Variants in SYN2 observed in about 807,000 individuals in gnomAD.
SYN2 encodes synapsin II, also known as synapsin-2.
A neutral mutation model predicts 50.9 loss-of-function variants in SYN2; 19 were observed. That is an observed-to-expected ratio of 0.37 (90% CI 0.26 to 0.55). SYN2 has a LOEUF of 0.55. SYN2 is among the 20% of genes least tolerant of loss of function. SYN2 has a pLI of 0.81. For synonymous variants in SYN2, 255 were observed against 224.9 expected (o/e 1.13, Z -1.20); for missense variants, 587 against 576.4 (o/e 1.02, Z -0.19).
chr3:12,166,785 A>G (rs190716134), intron 7 of SYN2, among the ~76,000 whole-genome samples: 153 of 152,366 alleles, frequency 1.0e-3, no homozygotes, highest in African/African-American at 3.6e-3. Flanking sequence ...GTATGTATCA[A>G]GTCAGTATAG....
At chr3:12,066,622 TATATC>T (rs1253032128) in intron 1 of SYN2, among the ~76,000 whole-genome samples, 7 of 152,162 alleles carry the variant, frequency 4.6e-5, no homozygotes, top group African/African-American at 1.7e-4. Flanking sequence ...TTTGTGTACT[TATATC>T]AGAATATTTA....
chr3:12,162,138 A>G lies in SYN2; in HGVS notation c.964A>G (p.Asn322Asp), dbSNP rs927048037. Residue 322 changes from asparagine (N) to aspartate (D), a missense_variant, in exon 7 of 13, where the codon AAC (asparagine) becomes GAC (aspartate). Transcript: ENST00000621198. ...YDIRVQKIGN[N>D]YKAYMRTSIS... ...CATCCGGGTCCAGAAGATTGGCAAC[A>G]ACTACAAGGCTTACATGTGAGTAAG... The G allele has an allele frequency of 2.5e-6, 4 of 1,614,054 alleles. No individual in the cohort carries two copies. The highest frequency in any genetic ancestry group is 2.5e-6 in the Non-Finnish European group (3 of 1,180,016).
At chr3:12,143,917 T>C (rs753831130) in intron 3 of SYN2, among the ~76,000 whole-genome samples, 8 of 152,230 alleles carry the variant, frequency 5.3e-5, no homozygotes, top group Admixed American at 1.3e-4. Context: ...ATGTAAAAGC[T>C]TAAGTCCTCG....
intron 8 of SYN2, among the ~76,000 whole-genome samples, chr3:12,167,539 C>T (rs910298284): frequency 6.6e-6 from 1 of 152,112 alleles, no homozygotes; most frequent in Non-Finnish European, 1.5e-5. Context: ...TGAGGCCTCA[C>T]CAGAAGCAGA....
At chr3:12,107,518 T>C (rs1469962390) in intron 1 of SYN2, among the ~76,000 whole-genome samples, 1 of 152,226 alleles carries the variant, frequency 6.6e-6, no homozygotes, top group Non-Finnish European at 1.5e-5. Flanking sequence ...TGTAATTCTC[T>C]GCTTAGTTCA....
At chr3:12,032,485 T>A (rs1278495377) in intron 1 of SYN2, among the ~76,000 whole-genome samples, 6 of 71,130 alleles carry the variant, frequency 8.4e-5, no homozygotes, top group Non-Finnish European at 1.6e-4. Flanking sequence ...TTTTCCAACT[T>A]GGTTCCATTC....
intron 12 of SYN2, 125 bp from the exon 13 acceptor site, chr3:12,190,365 C>T (rs1698422769): frequency 9.0e-7 from 1 of 1,108,786 alleles, no homozygotes; most frequent in Admixed American, 2.0e-5. Flanking sequence ...CTGGCATTAT[C>T]CTCCATCACC....
intron 1 of SYN2, among the ~76,000 whole-genome samples, chr3:12,006,285 G>T (rs1011529795): frequency 6.6e-6 from 1 of 152,184 alleles, no homozygotes; most frequent in Non-Finnish European, 1.5e-5. Flanking sequence ...CTTTTCAAGA[G>T]AGTAGAGTAG....
intron 1 of SYN2, among the ~76,000 whole-genome samples, chr3:12,055,329 A>T (rs1477328504): frequency 6.6e-6 from 1 of 152,178 alleles, no homozygotes; most frequent in Non-Finnish European, 1.5e-5. Flanking sequence ...AAAACACTAC[A>T]TAACGATATT....
At chr3:12,149,799 A>G (rs1027220422) in intron 4 of SYN2, among the ~76,000 whole-genome samples, 12 of 152,300 alleles carry the variant, frequency 7.9e-5, no homozygotes, top group African/African-American at 2.6e-4. Context: ...TAACAAAATC[A>G]TATCTATACC....
chr3:12,169,943 C>G (rs1426656630), intron 10 of SYN2, 37 bp downstream of exon 10: 5 of 1,568,480 alleles, frequency 3.2e-6, no homozygotes, highest in Non-Finnish European at 3.5e-6. Context: ...GAGCCAAGAA[C>G]CATTCCCAAG....
chr3:12,022,468 C>T (rs1487616303), intron 1 of SYN2, among the ~76,000 whole-genome samples: 6 of 152,076 alleles, frequency 3.9e-5, no homozygotes, highest in African/African-American at 4.8e-5. Flanking sequence ...AGTGCAGTGG[C>T]GCGATCTCGG....
At chr3:12,157,326 C>T (rs1697487067) in intron 5 of SYN2, 1 of 1,539,554 alleles carries the variant, frequency 6.5e-7, no homozygotes, top group South Asian at 1.1e-5. Context: ...TCCCAGAACA[C>T]AGACTCCACT....
chr3:12,153,514 A>C (rs776937796), intron 5 of SYN2: 2 of 1,612,974 alleles, frequency 1.2e-6, no homozygotes, highest in East Asian at 2.2e-5. Context: ...ACTGGTCCCT[A>C]CTAGGGCTGA....
chr3:12,155,823 G>T (rs1221366164), intron 5 of SYN2, among the ~76,000 whole-genome samples: 1 of 152,206 alleles, frequency 6.6e-6, no homozygotes, highest in African/African-American at 2.4e-5. Flanking sequence ...GAGGGCAGGT[G>T]CTTAGGAAGG....
intron 1 of SYN2, among the ~76,000 whole-genome samples, chr3:12,046,392 C>G (rs545849546): frequency 6.6e-6 from 1 of 151,948 alleles, no homozygotes; most frequent in African/African-American, 2.4e-5. Context: ...AAAGACATTT[C>G]TTTGTGACTG....
At chr3:12,183,518 G>T in intron 11 of SYN2, 146 bp downstream of exon 11, 3 of 1,571,242 alleles carry the variant, frequency 1.9e-6, no homozygotes, top group South Asian at 2.3e-5. Flanking sequence ...GGGGAAAACA[G>T]ACCCTCCCAC....
At chr3:12,169,628 G>A in intron 9 of SYN2, 129 bp from the exon 10 acceptor site, 1 of 1,004,740 alleles carries the variant, frequency 1.0e-6, no homozygotes, top group Non-Finnish European at 1.4e-6. Flanking sequence ...ACTTCCAGCT[G>A]AAGAGAAGAA....
intron 1 of SYN2, among the ~76,000 whole-genome samples, chr3:12,108,810 A>G (rs1285852563): frequency 4.1e-5 from 1 of 24,408 alleles, no homozygotes; most frequent in South Asian, 3.8e-3. Flanking sequence ...GTTGGGTTTA[A>G]AAAAAAAAAA....
Sources: gnomAD v4.1 joint callset for allele counts (sites outside exome capture counted in the v4.1 genomes callset) on GRCh38, gnomAD v4.1.1 for gene constraint, MANE v1.5 for transcripts, NCBI Gene and HGNC (gene_info 2026-07-23, HGNC 2026-07-21) for gene names.